The following FAM193A variants were observed in gnomAD, a reference collection of about 807,000 sequenced individuals.
FAM193A encodes the protein protein FAM193A.
In FAM193A, 22 loss-of-function variants were observed where a neutral mutation model predicts 126.5. The ratio of observed to expected loss-of-function variants is 0.17; its 90% CI spans 0.12 to 0.25. The LOEUF (loss-of-function observed/expected upper bound fraction) is 0.25. Among genes scored for constraint, FAM193A ranks in the 10% least tolerant of loss-of-function variants. The probability of loss-of-function intolerance (pLI) is 1.00; values close to 1 mark genes in which losing one functional copy is unlikely to be tolerated. For synonymous variants in FAM193A, 761 were observed against 646.8 expected, an observed-to-expected ratio of 1.18 and a Z score of -2.68; for missense variants, 1,675 against 1,672.8, an observed-to-expected ratio of 1.00 and a Z score of -0.02.
intron 1 of FAM193A, among the ~76,000 whole-genome samples, chr4:2,560,775 C>T (rs187053523): frequency 1.3e-5 from 2 of 152,200 alleles, no homozygotes; most frequent in East Asian, 3.9e-4. Flanking sequence ...CCTTTGTATT[C>T]AGATTGTGTC....
intron 1 of FAM193A, among the ~76,000 whole-genome samples, chr4:2,558,180 G>T (rs1195509142): frequency 6.6e-6 from 1 of 151,652 alleles, no homozygotes; most frequent in East Asian, 1.9e-4. Flanking sequence ...GCTGAAGCAG[G>T]AGAATCGCTT....
chr4:2,544,698 T>A (rs1292796004), intron 1 of FAM193A, among the ~76,000 whole-genome samples: 1 of 151,878 alleles, frequency 6.6e-6, no homozygotes, highest in Non-Finnish European at 1.5e-5. Flanking sequence ...AGCAAGACTC[T>A]GTCTCTGAAA....
chr4:2,612,960 G>C (rs921276336), intron 2 of FAM193A, among the ~76,000 whole-genome samples: 8 of 152,196 alleles, frequency 5.3e-5, no homozygotes, highest in African/African-American at 1.9e-4. Context: ...AGAAAAGCCT[G>C]TTGGGATTTT....
intron 6 of FAM193A, among the ~76,000 whole-genome samples, chr4:2,643,335 A>G (rs1032121254): frequency 4.7e-5 from 7 of 149,368 alleles, no homozygotes; most frequent in Non-Finnish European, 1.0e-4. Flanking sequence ...GCATCCTATG[A>G]AATACATATG....
chr4:2,729,673 C>G (rs1172285938), intron 20 of FAM193A, among the ~76,000 whole-genome samples: 1 of 152,158 alleles, frequency 6.6e-6, no homozygotes, highest in Admixed American at 6.5e-5. Flanking sequence ...TACCTGCCAC[C>G]GGCAACAGGC....
chr4:2,683,803 A>C (rs1333806690), intron 13 of FAM193A, among the ~76,000 whole-genome samples: 1 of 152,120 alleles, frequency 6.6e-6, no homozygotes, highest in Admixed American at 6.5e-5. Context: ...TATCTTTCGA[A>C]ACTGTCCCAC....
At chr4:2,604,774 TTTC>T (rs1255853606) in intron 2 of FAM193A, among the ~76,000 whole-genome samples, 1 of 150,612 alleles carries the variant, frequency 6.6e-6, no homozygotes. Flanking sequence ...GTCTGCTTTT[TTTC>T]TTTTTTCTTT....
intron 1 of FAM193A, among the ~76,000 whole-genome samples, chr4:2,567,848 C>A (rs1412474108): frequency 1.3e-5 from 2 of 152,166 alleles, no homozygotes; most frequent in African/African-American, 4.8e-5. Context: ...TGAACAGGGA[C>A]TTCTTGGGCA....
At chr4:2,564,870 A>G (rs1002889568) in intron 1 of FAM193A, among the ~76,000 whole-genome samples, 4 of 152,114 alleles carry the variant, frequency 2.6e-5, no homozygotes, top group Non-Finnish European at 5.9e-5. Context: ...CAGTGGCACC[A>G]TCCGTTGCTC....
At chr4:2,715,758 G>C (rs1357989544) in intron 19 of FAM193A, among the ~76,000 whole-genome samples, 2 of 152,184 alleles carry the variant, frequency 1.3e-5, no homozygotes, top group African/African-American at 4.8e-5. Flanking sequence ...CACATGGGGA[G>C]TCTAGGTTCT....
At chr4:2,692,950 C>T (rs1022284738) in intron 15 of FAM193A, among the ~76,000 whole-genome samples, 10 of 152,082 alleles carry the variant, frequency 6.6e-5, no homozygotes, top group Non-Finnish European at 1.3e-4. Flanking sequence ...CACCTGTAGT[C>T]CCAGCACTTT....
intron 3 of FAM193A, among the ~76,000 whole-genome samples, chr4:2,625,912 T>C (rs1460528812): frequency 1.3e-5 from 2 of 151,932 alleles, no homozygotes; most frequent in Non-Finnish European, 2.9e-5. Context: ...TTTATAGAGA[T>C]GGGGCTTCGC....
intron 15 of FAM193A, among the ~76,000 whole-genome samples, chr4:2,691,803 G>T (rs1716416605): frequency 6.6e-6 from 1 of 151,846 alleles, no homozygotes; most frequent in African/African-American, 2.4e-5. Context: ...AAAAAAACAG[G>T]AAGTTTGACT....
At chr4:2,704,392 C>G (rs1349371858) in intron 19 of FAM193A, among the ~76,000 whole-genome samples, 2 of 151,998 alleles carry the variant, frequency 1.3e-5, no homozygotes, top group African/African-American at 4.8e-5. Context: ...ATGTGGAACC[C>G]TGTCTCTACT....
At chr4:2,692,213 C>T (rs73080317) in intron 15 of FAM193A, among the ~76,000 whole-genome samples, 573 of 152,286 alleles carry the variant, frequency 3.8e-3, no homozygotes, top group African/African-American at 0.013. Flanking sequence ...AATTTACAAT[C>T]ATGGTGGAAA....
chr4:2,684,274 T>C (rs1181919464), intron 13 of FAM193A, among the ~76,000 whole-genome samples: 1 of 152,216 alleles, frequency 6.6e-6, no homozygotes, highest in Non-Finnish European at 1.5e-5. Flanking sequence ...CTGAGAACTT[T>C]TTTGGGATCA....
At chr4:2,590,511 AAAAAAC>A (rs748838441) in intron 1 of FAM193A, among the ~76,000 whole-genome samples, 4,108 of 128,728 alleles carry the variant, frequency 0.032, 494 homozygotes, top group South Asian at 0.061. Context: ...AAAAACAAAA[AAAAAAC>A]AAAACAAAAT....
At chr4:2,587,767 C>T (rs1008519940) in intron 1 of FAM193A, among the ~76,000 whole-genome samples, 2 of 152,080 alleles carry the variant, frequency 1.3e-5, no homozygotes, top group African/African-American at 4.8e-5. Context: ...AAGGAATTCA[C>T]TGAAAAGGAA....
At chr4:2,624,882 C>G (rs1235207526) in intron 2 of FAM193A, among the ~76,000 whole-genome samples, 2 of 152,102 alleles carry the variant, frequency 1.3e-5, no homozygotes, top group Non-Finnish European at 2.9e-5. Context: ...GTCTGTGTGA[C>G]AATGTCTCTG....
Sources: allele counts gnomAD v4.1 joint callset (sites outside exome capture counted in the v4.1 genomes callset), GRCh38; gene constraint gnomAD v4.1.1; transcripts MANE v1.5; gene names NCBI Gene and HGNC (gene_info 2026-07-23, HGNC 2026-07-21).